TNS1: variants seen among roughly 807,000 people sequenced by gnomAD.
TNS1 encodes tensin-1.
Under a neutral mutation model 168.6 loss-of-function variants are expected in TNS1, and 62 were observed. The observed-to-expected ratio is 0.37, with a 90% CI of 0.30 to 0.45. The LOEUF is 0.45. Among genes scored for constraint, TNS1 ranks in the 20% least tolerant of loss-of-function variants. The probability of loss-of-function intolerance (pLI) is 1.00; values close to 1 mark genes in which losing one functional copy is unlikely to be tolerated. For missense variants in TNS1, 2,240 were observed against 2,339.4 expected (o/e 0.96, Z 0.88); for synonymous variants, 934 against 933.2 (o/e 1.00, Z -0.02).
At chr2:217,830,286 G>A in intron 22 of TNS1, 1 of 1,577,266 alleles carries the variant, frequency 6.3e-7, no homozygotes, top group Admixed American at 1.7e-5. Context: ...AGTGTCCCTG[G>A]CCATGCCGAC....
intron 4 of TNS1, among the ~76,000 whole-genome samples, chr2:217,913,589 C>T (rs1341514763): frequency 6.6e-6 from 1 of 152,154 alleles, no homozygotes; most frequent in African/African-American, 2.4e-5. Flanking sequence ...GCGGTCCCTC[C>T]CTGCCAAGCC....
intron 21 of TNS1, among the ~76,000 whole-genome samples, chr2:217,834,109 A>G (rs1431683665): frequency 6.6e-6 from 1 of 152,252 alleles, no homozygotes; most frequent in Non-Finnish European, 1.5e-5. Flanking sequence ...AGGGAGAGCC[A>G]CGGCTTCCTG....
intron 18 of TNS1, chr2:217,850,399 G>A (rs1183844241): frequency 1.0e-6 from 1 of 985,098 alleles, no homozygotes; most frequent in East Asian, 1.1e-4. Flanking sequence ...TGGGGGAGAG[G>A]GTCCTCTTGT....
intron 22 of TNS1, chr2:217,830,308 G>A (rs1359455533): frequency 6.2e-7 from 1 of 1,609,662 alleles, no homozygotes; most frequent in Non-Finnish European, 8.5e-7. Flanking sequence ...CTCTGAGTGG[G>A]AGGCTATGCC....
chr2:217,862,593 C>T (rs904683087), intron 18 of TNS1, among the ~76,000 whole-genome samples: 1 of 152,232 alleles, frequency 6.6e-6, no homozygotes, highest in African/African-American at 2.4e-5. Flanking sequence ...CTAGAATCCC[C>T]GCATGGTCAA....
chr2:217,841,350 G>A, intron 19 of TNS1: 2 of 866,740 alleles, frequency 2.3e-6, no homozygotes, highest in African/African-American at 3.7e-5. Context: ...GGAGGATATG[G>A]GGCAAGGCAG....
At chr2:218,000,396 G>A (rs959380451) in intron 1 of TNS1, among the ~76,000 whole-genome samples, 2 of 152,152 alleles carry the variant, frequency 1.3e-5, no homozygotes, top group African/African-American at 4.8e-5. Context: ...AGAGCCCAAG[G>A]AGTAGAGCCC....
rs552089559 is a variant in TNS1 at position 217,821,726 on chromosome 2, C to T, written c.3572+14G>A. On this transcript the variant is annotated intron_variant, in intron 23 of 32. Coordinates refer to ENST00000682258, the MANE Select transcript of TNS1 (RefSeq NM_001387777.1). Reference sequence around the variant, plus strand: ...GGATTCCCATCCCCCACCCACTGCCCCTTCCCGGCTTACCTGTCAGCACTG... The same window carrying T: ...GGATTCCCATCCCCCACCCACTGCCTCTTCCCGGCTTACCTGTCAGCACTG... 2 of 1,423,846 alleles carry T rather than the reference C, an allele frequency of 1.4e-6. No homozygotes were observed. Among genetic ancestry groups the T allele is most frequent in the East Asian group, 2.7e-5 (1 of 36,508 alleles). The allele number at this position is 1,423,846 out of a possible 1,614,324, so 88.2% of individuals were successfully genotyped here.
chr2:217,845,495 G>C (rs1160152098), intron 19 of TNS1, among the ~76,000 whole-genome samples: 2 of 152,196 alleles, frequency 1.3e-5, no homozygotes, highest in African/African-American at 4.8e-5. Context: ...TAATGACAGG[G>C]CTTGAACCAA....
rs762087132 is a variant in TNS1 at position 217,804,590 on chromosome 2, C to T, written c.5389G>A (p.Val1797Met). 4 of 1,613,906 alleles carry T rather than the reference C, an allele frequency of 2.5e-6. No individual in the cohort carries two copies. Among genetic ancestry groups the T allele is most frequent in the East Asian group, 2.2e-5 (1 of 44,888 alleles). The change falls in exon 33 of 33, where the codon GTG becomes ATG. Residue 1797 changes from valine (V) to methionine (M), a missense_variant. Transcript: ENST00000682258. Reference protein sequence around the residue: ...GGAPAKLFGFVARKQGSTTDN... With the variant: ...GGAPAKLFGFMARKQGSTTDN... ...GTGGTGCTGCCCTGCTTCCGGGCCA[C>T]GAAGCCGAAGAGCCTGCAGGCGGGA... is the stretch of plus-strand genomic sequence containing the variant.
rs1937972496 is a variant in TNS1 at position 217,804,268 on chromosome 2, C to CTCTT, written c.*190_*191insAAGA. ...TTCTCCTCCATCTTTCTCTCTCTCTCTCTCTCTCTCTCTCTCTCTCTTTTC... is the reference window on the plus strand; with the variant it reads ...TTCTCCTCCATCTTTCTCTCTCTCTCTCTTTCTCTCTCTCTCTCTCTCTCTTTTC... On this transcript the variant is annotated 3_prime_UTR_variant, in exon 33 of 33. Transcript: ENST00000682258. 3.2e-6 allele frequency: 2 copies of CTCTT among 623,382 alleles called. No homozygotes were observed. The highest frequency in any genetic ancestry group is 5.4e-6 in the Non-Finnish European group (2 of 367,626). 38.6% of individuals were successfully genotyped at this position (623,382 alleles called of 1,614,324 possible).
Position 217,847,728 on chromosome 2 carries a change from G to C in TNS1, c.2789C>G (p.Pro930Arg), listed in dbSNP as rs1208851004. ...PYDYQPCLAG[P>R]NQDFHSKSPA... ...GCTCTTTGAATGGAAATCCTGGTTA[G>C]GCCCAGCCAAACATGGCTGATAGTC... Residue 930 changes from proline (P) to arginine (R), a missense_variant, in exon 19 of 33, where the codon CCT becomes CGT. Physicochemically the swap from Pro to Arg is moderately radical, Grantham distance 103. This residue lies in a region of TNS1 where 2,131 missense variants were observed against 2,171.2 expected (regional missense o/e 0.98). Transcript: ENST00000682258. 1.9e-6 allele frequency: 3 copies of C among 1,607,868 alleles called. No homozygotes were observed. Among genetic ancestry groups the C allele is most frequent in the Admixed American group, 3.3e-5 (2 of 59,926 alleles).
chr2:217,850,698 C>T (rs1264643494), intron 18 of TNS1: 6 of 742,132 alleles, frequency 8.1e-6, no homozygotes, highest in Non-Finnish European at 9.9e-6. Context: ...CCAAAGACTG[C>T]ACCAGCTCCA....
At chr2:217,902,896 C>T (rs181175026) in intron 6 of TNS1, among the ~76,000 whole-genome samples, 23 of 152,264 alleles carry the variant, frequency 1.5e-4, no homozygotes, top group Non-Finnish European at 2.8e-4. Flanking sequence ...CCCTTGCTGG[C>T]GGACAGCAGA....
rs1944266809 is a variant in TNS1, at chr2:217,830,529, G to A, written c.3373+926C>T. The A allele has an allele frequency of 6.8e-6, 7 of 1,032,576 alleles. No homozygotes were observed. In the South Asian group the frequency reaches 9.5e-5, roughly 14 times the overall value. The allele number at this position is 1,032,576 out of a possible 1,614,324, so 64.0% of individuals were successfully genotyped here. ...GCCCTGTCTCCCTCCACCATAAGAAGGAGAGGAGCTGGGAAATGGGAGGAG... is the reference window on the plus strand; with the variant it reads ...GCCCTGTCTCCCTCCACCATAAGAAAGAGAGGAGCTGGGAAATGGGAGGAG... On this transcript the variant is annotated intron_variant, in intron 22 of 32. Coordinates refer to ENST00000682258, the MANE Select transcript of TNS1 (RefSeq NM_001387777.1).
At chr2:217,835,820 C>G (rs1310476030) in intron 20 of TNS1, among the ~76,000 whole-genome samples, 195 bp downstream of exon 20, 1 of 152,156 alleles carries the variant, frequency 6.6e-6, no homozygotes, top group Non-Finnish European at 1.5e-5. Flanking sequence ...AATATTAATG[C>G]AAGAAGTGGG....
chr2:217,870,489 C>T (rs973632168), intron 18 of TNS1, among the ~76,000 whole-genome samples: 4 of 152,124 alleles, frequency 2.6e-5, no homozygotes, highest in East Asian at 1.9e-4. Flanking sequence ...TAATTAGAGT[C>T]GGTATCTTGG....
At chr2:217,906,262 A>AC in intron 6 of TNS1, 73 bp downstream of exon 6, 6 of 666,346 alleles carry the variant, frequency 9.0e-6, no homozygotes, top group Admixed American at 2.1e-5. Flanking sequence ...GACATTATCC[A>AC]CCTCCCACCC....
intron 1 of TNS1, among the ~76,000 whole-genome samples, chr2:218,021,756 A>C (rs1344369896): frequency 6.6e-6 from 1 of 152,124 alleles, no homozygotes; most frequent in Admixed American, 6.5e-5. Flanking sequence ...CATGTCCCCC[A>C]AGGAGACCAG....
Sources: gnomAD v4.1 joint callset for allele counts (sites outside exome capture counted in the v4.1 genomes callset) on GRCh38, gnomAD v4.1.1 for gene constraint, gnomAD v4.1.1 regional missense constraint, MANE v1.5 for transcripts, NCBI Gene and HGNC (gene_info 2026-07-23, HGNC 2026-07-21) for gene names.